The following DNER variants were observed in gnomAD, a reference collection of about 807,000 sequenced individuals.
DNER encodes delta and Notch-like epidermal growth factor-related receptor.
Under a neutral mutation model 78.2 loss-of-function variants are expected in DNER, and 33 were observed. The observed-to-expected ratio is 0.42, with a 90% CI of 0.32 to 0.56. The LOEUF (loss-of-function observed/expected upper bound fraction) is 0.56, where lower values mean the gene tolerates loss of function less well. Ranked by LOEUF, DNER falls within the 20% of genes least tolerant of loss-of-function variation. The pLI is 0.11. For missense variants in DNER, 918 were observed against 975.3 expected, an observed-to-expected ratio of 0.94 and a Z score of 0.78; for synonymous variants, 417 against 384.8, an observed-to-expected ratio of 1.08 and a Z score of -0.98.
chr2:229,607,658 G>A (rs1697964165), intron 1 of DNER, among the ~76,000 whole-genome samples: 1 of 152,156 alleles, frequency 6.6e-6, no homozygotes, highest in Non-Finnish European at 1.5e-5. Flanking sequence ...ATTGAACAAT[G>A]TTTCAGATGA....
chr2:229,628,184 C>T (rs949319706), intron 1 of DNER, among the ~76,000 whole-genome samples: 1 of 152,106 alleles, frequency 6.6e-6, no homozygotes, highest in African/African-American at 2.4e-5. Context: ...CATGGAGATG[C>T]CCTGAAGCAT....
chr2:229,635,045 C>G (rs1004791162), intron 1 of DNER, among the ~76,000 whole-genome samples: 1 of 152,216 alleles, frequency 6.6e-6, no homozygotes, highest in African/African-American at 2.4e-5. Flanking sequence ...TGTGTTGACA[C>G]AATTCCATGC....
At chr2:229,628,713 A>G (rs754009047) in intron 1 of DNER, among the ~76,000 whole-genome samples, 2 of 152,182 alleles carry the variant, frequency 1.3e-5, no homozygotes, top group African/African-American at 4.8e-5. Context: ...CCAAGAAGTC[A>G]TCACTGCAAC....
intron 10 of DNER, among the ~76,000 whole-genome samples, chr2:229,395,761 G>A (rs1359741191): frequency 2.0e-5 from 3 of 152,092 alleles, no homozygotes; most frequent in Admixed American, 6.5e-5. Context: ...TTAGCTGGGC[G>A]TGGTGGCACA....
At chr2:229,706,047 C>G (rs909941744) in intron 1 of DNER, among the ~76,000 whole-genome samples, 1 of 152,138 alleles carries the variant, frequency 6.6e-6, no homozygotes, top group African/African-American at 2.4e-5. Context: ...TGACTGTACT[C>G]TTTCTGTCAG....
At chr2:229,426,952 G>A (rs1693891785) in intron 8 of DNER, among the ~76,000 whole-genome samples, 1 of 152,194 alleles carries the variant, frequency 6.6e-6, no homozygotes. Context: ...GCAGACAATA[G>A]CTGCTGATGT....
intron 4 of DNER, among the ~76,000 whole-genome samples, chr2:229,548,406 G>T (rs1482158432): frequency 6.6e-6 from 1 of 152,206 alleles, no homozygotes; most frequent in South Asian, 2.1e-4. Flanking sequence ...GGAATACCAT[G>T]CAGCCATAAA....
At chr2:229,512,998 G>A in intron 5 of DNER, 62 bp from the exon 6 acceptor site, 2 of 1,527,698 alleles carry the variant, frequency 1.3e-6, no homozygotes, top group Admixed American at 2.1e-5. Context: ...TGCTTTGGCT[G>A]TGAGACTCAA....
At chr2:229,574,278 G>A (rs1276930606) in intron 4 of DNER, among the ~76,000 whole-genome samples, 3 of 152,130 alleles carry the variant, frequency 2.0e-5, no homozygotes, top group African/African-American at 4.8e-5. Flanking sequence ...ACACAAAGAT[G>A]TGGTTATACC....
intron 1 of DNER, among the ~76,000 whole-genome samples, chr2:229,622,478 T>C (rs1027271531): frequency 6.6e-6 from 1 of 152,080 alleles, no homozygotes; most frequent in African/African-American, 2.4e-5. Context: ...TTTTCTGCCC[T>C]GCGGGTCTTT....
chr2:229,447,739 C>T (rs1240091425), intron 7 of DNER, among the ~76,000 whole-genome samples, 199 bp from the exon 8 acceptor site: 11 of 152,096 alleles, frequency 7.2e-5, no homozygotes, highest in Admixed American at 2.0e-4. Context: ...CCCCACAATT[C>T]CATTTTTATT....
chr2:229,635,809 A>G (rs1294539425), intron 1 of DNER, among the ~76,000 whole-genome samples: 1 of 152,188 alleles, frequency 6.6e-6, no homozygotes, highest in Non-Finnish European at 1.5e-5. Context: ...TGTACTGGTA[A>G]CAAAAGCAAA....
chr2:229,708,412 A>G (rs562332515), intron 1 of DNER, among the ~76,000 whole-genome samples: 34 of 152,228 alleles, frequency 2.2e-4, no homozygotes, highest in Non-Finnish European at 4.4e-4. Context: ...AGTCTAATAC[A>G]CTGCCAGGGC....
At chr2:229,406,686 A>G (rs920055568) in intron 10 of DNER, among the ~76,000 whole-genome samples, 1 of 152,170 alleles carries the variant, frequency 6.6e-6, no homozygotes, top group African/African-American at 2.4e-5. Context: ...GTGACTTTGA[A>G]GAAGGACCCC....
At chr2:229,569,087 G>A (rs1020327048) in intron 4 of DNER, among the ~76,000 whole-genome samples, 4 of 152,116 alleles carry the variant, frequency 2.6e-5, no homozygotes, top group Admixed American at 2.0e-4. Context: ...CTCTGTATGT[G>A]TGTGCCTATG....
At position 229,552,998 on chromosome 2, in the gene DNER, T is replaced by C. The variant is rs562078583; in HGVS notation, c.848-5906A>G. Among the ~76,000 whole-genome samples the C allele has an allele frequency of 8.5e-5, 13 of 152,288 alleles. 1 individual carries two copies. The highest frequency in any genetic ancestry group is 2.9e-4 in the African/African-American group (12 of 41,568). ...TGTGCTTTGGAAATGCACCAATGCATGAAGAACCACCAGGGTTACATGGCT... is the reference window on the plus strand; with the variant it reads ...TGTGCTTTGGAAATGCACCAATGCACGAAGAACCACCAGGGTTACATGGCT... On this transcript the variant is annotated intron_variant, in intron 4 of 12. Transcript: ENST00000341772.
At chr2:229,571,961 CCCT>C (rs1229163207) in intron 4 of DNER, among the ~76,000 whole-genome samples, 2 of 152,068 alleles carry the variant, frequency 1.3e-5, no homozygotes, top group African/African-American at 4.8e-5. Context: ...CACCAGCACC[CCCT>C]CCTCTACTTA....
chr2:229,681,050 G>A (rs949141108), intron 1 of DNER, among the ~76,000 whole-genome samples: 72 of 152,186 alleles, frequency 4.7e-4, no homozygotes, highest in African/African-American at 1.7e-3. Flanking sequence ...GGCATATATG[G>A]GGTATGCTGA....
chr2:229,579,118 T>A (rs935457816), intron 4 of DNER, among the ~76,000 whole-genome samples: 1 of 152,210 alleles, frequency 6.6e-6, no homozygotes, highest in African/African-American at 2.4e-5. Context: ...TAGCACAGAC[T>A]ACTGTGCCAT....
Sources: allele counts gnomAD v4.1 joint callset (sites outside exome capture counted in the v4.1 genomes callset), GRCh38; gene constraint gnomAD v4.1.1; transcripts MANE v1.5; gene names NCBI Gene and HGNC (gene_info 2026-07-23, HGNC 2026-07-21).